LITAF: variants seen among roughly 807,000 people sequenced by gnomAD.
LITAF encodes lipopolysaccharide-induced tumor necrosis factor-alpha factor.
Under a neutral mutation model 14.5 loss-of-function variants are expected in LITAF, and 9 were observed. That is an observed-to-expected ratio of 0.62 (90% CI 0.37 to 1.08). The LOEUF (loss-of-function observed/expected upper bound fraction) is 1.08. LITAF is among the 50% of genes least tolerant of loss of function. LITAF has a pLI of 0.01. For missense variants in LITAF, 206 were observed against 213.4 expected, an observed-to-expected ratio of 0.97 and a Z score of 0.22; for synonymous variants, 98 against 88.2, an observed-to-expected ratio of 1.11 and a Z score of -0.62.
At chr16:11,557,074 G>GATTGTTTT (rs1555467034) in intron 1 of LITAF, among the ~76,000 whole-genome samples, 1 of 149,206 alleles carries the variant, frequency 6.7e-6, no homozygotes, top group African/African-American at 2.5e-5. Flanking sequence ...GTTTTTTTTT[G>GATTGTTTT]TTTGTTTTTT....
chr16:11,611,138 C>G (rs910491249), intron 3 of LITAF, among the ~76,000 whole-genome samples: 1 of 151,810 alleles, frequency 6.6e-6, no homozygotes, highest in Non-Finnish European at 1.5e-5. Context: ...CACTTGAGGC[C>G]AGGAGTTCAA....
chr16:11,559,812 T>C (rs1469397299), intron 1 of LITAF, among the ~76,000 whole-genome samples: 5 of 145,844 alleles, frequency 3.4e-5, no homozygotes, highest in Non-Finnish European at 6.0e-5. Context: ...CTGAGCAACA[T>C]AGGGAGACAC....
intron 3 of LITAF, among the ~76,000 whole-genome samples, chr16:11,623,657 C>G (rs1292129723): frequency 1.4e-5 from 2 of 144,834 alleles, no homozygotes; most frequent in African/African-American, 2.6e-5. Flanking sequence ...GAAACTTTGT[C>G]TCAAAAAAAA....
At chr16:11,588,778 C>T (rs143476947), upstream of LITAF, among the ~76,000 whole-genome samples, 93 of 152,156 alleles carry the variant, frequency 6.1e-4, no homozygotes, top group Non-Finnish European at 9.7e-4. Flanking sequence ...TCAGAGATAA[C>T]GTTCAAGAAA....
upstream of LITAF, among the ~76,000 whole-genome samples, chr16:11,599,297 T>C (rs901995873): frequency 6.6e-6 from 1 of 152,090 alleles, no homozygotes; most frequent in Non-Finnish European, 1.5e-5. Flanking sequence ...TTTGTATTTT[T>C]AGTAGAGACG....
chr16:11,555,101 T>C (rs1308738611), intron 2 of LITAF, among the ~76,000 whole-genome samples: 2 of 152,000 alleles, frequency 1.3e-5, no homozygotes, highest in African/African-American at 2.4e-5. Flanking sequence ...GGTACAATCA[T>C]AGCTCACTGC....
chr16:11,614,009 C>A (rs2065000996), intron 3 of LITAF, among the ~76,000 whole-genome samples: 1 of 152,178 alleles, frequency 6.6e-6, no homozygotes, highest in Non-Finnish European at 1.5e-5. Context: ...ATGACTCATT[C>A]ATTCCCAGCA....
At chr16:11,601,196 G>A (rs2141864815), upstream of LITAF, among the ~76,000 whole-genome samples, 1 of 152,032 alleles carries the variant, frequency 6.6e-6, no homozygotes, top group Admixed American at 6.6e-5. Context: ...ATGTCACTCG[G>A]AGGCCTTAAT....
At chr16:11,600,547 T>C (rs2064920615), upstream of LITAF, among the ~76,000 whole-genome samples, 1 of 152,204 alleles carries the variant, frequency 6.6e-6, no homozygotes, top group Middle Eastern at 3.2e-3. The surrounding 1 kb of genome is among the most constrained non-coding windows in gnomAD (Gnocchi z 4.1). Context: ...TGGGAGCTTG[T>C]CTTCCCGTTT....
At chr16:11,623,155 GT>G (rs1453410728) in intron 3 of LITAF, among the ~76,000 whole-genome samples, 1 of 151,254 alleles carries the variant, frequency 6.6e-6, no homozygotes, top group African/African-American at 2.4e-5. Flanking sequence ...GTAGAGACGG[GT>G]TTCACTGTGT....
At chr16:11,633,588 A>G (rs1229547098) in exon 3 of LITAF, 1 of 152,136 alleles carries the variant, frequency 6.6e-6, no homozygotes, top group Non-Finnish European at 1.5e-5. Context: ...CTACACTCCC[A>G]CCAGCACCAT....
At chr16:11,594,664 C>T (rs559689045) in intron 1 of LITAF, among the ~76,000 whole-genome samples, 2 of 152,136 alleles carry the variant, frequency 1.3e-5, no homozygotes, top group Admixed American at 6.6e-5. Context: ...TCGCTTGAGG[C>T]TAAGAGTTTG....
chr16:11,565,817 C>T (rs1385199341), intron 1 of LITAF, among the ~76,000 whole-genome samples: 2 of 71,362 alleles, frequency 2.8e-5, no homozygotes, highest in Admixed American at 1.1e-4. Flanking sequence ...TGGCAAATTC[C>T]GCTTAGCTTG....
chr16:11,635,606 G>C (rs563249306), intron 2 of LITAF, among the ~76,000 whole-genome samples: 51 of 152,332 alleles, frequency 3.3e-4, no homozygotes, highest in African/African-American at 1.2e-3. Flanking sequence ...AGGAGGAAAT[G>C]AGACCCTGGG....
chr16:11,625,861 G>A (rs1186404555), intron 3 of LITAF, among the ~76,000 whole-genome samples: 2 of 152,080 alleles, frequency 1.3e-5, no homozygotes, highest in Non-Finnish European at 1.5e-5. Context: ...GTCCCCCTAA[G>A]CTCTTGGAGC....
intron 1 of LITAF, among the ~76,000 whole-genome samples, chr16:11,573,595 T>A (rs2064580373): frequency 6.6e-6 from 1 of 152,200 alleles, no homozygotes; most frequent in African/African-American, 2.4e-5. Context: ...GGAAGAGTTT[T>A]ATTTGGAGAA....
At chr16:11,570,657 G>C (rs951005572) in intron 1 of LITAF, among the ~76,000 whole-genome samples, 6 of 152,164 alleles carry the variant, frequency 3.9e-5, no homozygotes, top group African/African-American at 1.4e-4. Flanking sequence ...GGATTAACCA[G>C]GTAGGCCCGG....
intron 1 of LITAF, among the ~76,000 whole-genome samples, chr16:11,561,892 CA>C (rs1255137613): frequency 1.3e-5 from 2 of 149,692 alleles, no homozygotes; most frequent in Non-Finnish European, 2.9e-5. Flanking sequence ...ACACTCTCCA[CA>C]ATGTCTTTTT....
chr16:11,629,609 C>T (rs183431112), intron 3 of LITAF, among the ~76,000 whole-genome samples: 3 of 152,234 alleles, frequency 2.0e-5, no homozygotes, highest in Admixed American at 6.5e-5. Flanking sequence ...TCGAAGCAGC[C>T]GGCTCCTTCC....
Sources: allele counts gnomAD v4.1 joint callset (sites outside exome capture counted in the v4.1 genomes callset), GRCh38; gene constraint gnomAD v4.1.1; non-coding constraint Gnocchi (gnomAD v3.1); transcripts MANE v1.5; gene names NCBI Gene and HGNC (gene_info 2026-07-23, HGNC 2026-07-21).